The following KCNMA1 variants were observed in gnomAD, a reference collection of about 807,000 sequenced individuals.
KCNMA1 encodes the protein Calcium-activated potassium channel subunit alpha-1.
KCNMA1 carries 29 observed loss-of-function variants against 140.0 expected under a neutral mutation model. That is an observed-to-expected ratio of 0.21 (90% CI 0.15 to 0.28). The LOEUF (loss-of-function observed/expected upper bound fraction) is 0.28, where lower values mean the gene tolerates loss of function less well. KCNMA1 is among the 10% of genes least tolerant of loss of function. The pLI, the probability that KCNMA1 is intolerant of heterozygous loss-of-function variation, is 1.00. For synonymous variants in KCNMA1, 612 were observed against 611.9 expected (o/e 1.00, Z 0.00); for missense variants, 880 against 1,602.2 (o/e 0.55, Z 7.70).
At position 77,148,941 on chromosome 10, in the gene KCNMA1, T is replaced by C. The variant is rs564334450; in HGVS notation, c.809-27893A>G. On this transcript the variant is annotated intron_variant, in intron 5 of 27. Coordinates refer to ENST00000286628, the MANE Select transcript of KCNMA1 (RefSeq NM_001161352.2). ...AGGTAGAAATCTGTAAATAACAACA[T>C]TTGGAAGTTCCTTCTGTTTCCTGCA... 5.9e-5 allele frequency among the ~76,000 whole-genome samples: 9 copies of C among 152,304 alleles called. No individual in the cohort carries two copies. In the East Asian group the frequency reaches 1.7e-3, roughly 29 times the overall value.
intron 1 of KCNMA1, among the ~76,000 whole-genome samples, chr10:77,568,956 G>C (rs2069622273): frequency 6.8e-6 from 1 of 146,910 alleles, no homozygotes; most frequent in Admixed American, 6.9e-5. Flanking sequence ...CAAACAGAGA[G>C]CCAAATCATG....
intron 23 of KCNMA1, chr10:76,930,172 C>T (rs1474156276): frequency 6.6e-6 from 1 of 152,100 alleles, no homozygotes; most frequent in Non-Finnish European, 1.5e-5. Flanking sequence ...AGAAAACAAT[C>T]AACAAAGTGA....
At chr10:77,453,188 A>G (rs1171624440) in intron 1 of KCNMA1, among the ~76,000 whole-genome samples, 1 of 152,078 alleles carries the variant, frequency 6.6e-6, no homozygotes, top group African/African-American at 2.4e-5. Context: ...TGTGACCAGC[A>G]TTTGCCTCTC....
chr10:77,235,055 A>G (rs2054927135), intron 3 of KCNMA1, among the ~76,000 whole-genome samples: 1 of 152,190 alleles, frequency 6.6e-6, no homozygotes, highest in Non-Finnish European at 1.5e-5. Context: ...GTTGCCTCCT[A>G]CGAGAAGATG....
chr10:76,993,975 T>A (rs754036397), intron 19 of KCNMA1, among the ~76,000 whole-genome samples: 11 of 152,316 alleles, frequency 7.2e-5, no homozygotes, highest in South Asian at 6.2e-4. Flanking sequence ...CTCACTTTTT[T>A]CTCCTCCCTT....
At chr10:77,581,660 C>G (rs2075931722) in intron 1 of KCNMA1, among the ~76,000 whole-genome samples, 1 of 152,192 alleles carries the variant, frequency 6.6e-6, no homozygotes. Flanking sequence ...TGGGCCCACC[C>G]AACTGCCGTG....
chr10:77,222,965 C>T (rs564745868), intron 3 of KCNMA1, among the ~76,000 whole-genome samples: 1 of 152,256 alleles, frequency 6.6e-6, no homozygotes, highest in African/African-American at 2.4e-5. Context: ...CGTGGTAGCT[C>T]ACACATGTAA....
At chr10:77,025,997 AAAT>A (rs1555139542) in intron 16 of KCNMA1, among the ~76,000 whole-genome samples, 2,925 of 138,024 alleles carry the variant, frequency 0.021, 47 homozygotes, top group Admixed American at 0.031. Flanking sequence ...AAGAAAAAAA[AAAT>A]ATATATATAT....
At chr10:77,560,913 G>C (rs942091698) in intron 1 of KCNMA1, among the ~76,000 whole-genome samples, 2 of 152,200 alleles carry the variant, frequency 1.3e-5, no homozygotes, top group African/African-American at 4.8e-5. Context: ...AGATCTTTCT[G>C]AGCAGATGCT....
intron 2 of KCNMA1, among the ~76,000 whole-genome samples, chr10:77,280,138 G>A (rs921915830): frequency 6.6e-6 from 1 of 152,150 alleles, no homozygotes; most frequent in African/African-American, 2.4e-5. Context: ...AAGAAATGGT[G>A]TGCTTATCTT....
intron 26 of KCNMA1, chr10:76,891,297 T>C: frequency 1.8e-6 from 1 of 563,542 alleles, no homozygotes; most frequent in South Asian, 2.0e-5. Flanking sequence ...GAAGGTGTGA[T>C]ACTAGAACTT....
At chr10:77,471,213 AAC>A (rs1287207487) in intron 1 of KCNMA1, among the ~76,000 whole-genome samples, 1 of 150,748 alleles carries the variant, frequency 6.6e-6, no homozygotes, top group African/African-American at 2.4e-5. Context: ...CACACTACAC[AAC>A]ACACATTACA....
downstream of KCNMA1, chr10:76,883,957 A>G: frequency 3.1e-6 from 3 of 965,254 alleles, no homozygotes; most frequent in Non-Finnish European, 3.7e-6. Context: ...CAAATTTATC[A>G]TTAGTCAAAT....
At chr10:77,188,309 CT>C (rs1362559832) in intron 3 of KCNMA1, among the ~76,000 whole-genome samples, 1 of 151,630 alleles carries the variant, frequency 6.6e-6, no homozygotes, top group Non-Finnish European at 1.5e-5. Flanking sequence ...GTTTTATGAA[CT>C]GAAATAACAC....
At chr10:76,966,943 TG>T (rs2074180060) in intron 20 of KCNMA1, among the ~76,000 whole-genome samples, 1 of 152,192 alleles carries the variant, frequency 6.6e-6, no homozygotes, top group South Asian at 2.1e-4. Flanking sequence ...AAAACAAGGC[TG>T]TTCACCTAAT....
intron 1 of KCNMA1, among the ~76,000 whole-genome samples, chr10:77,435,936 A>T (rs1469269894): frequency 2.6e-5 from 4 of 152,204 alleles, no homozygotes; most frequent in Non-Finnish European, 4.4e-5. Flanking sequence ...GATGCCTATG[A>T]AAGGGGAGGA....
At chr10:77,202,424 T>C (rs146068355) in intron 3 of KCNMA1, among the ~76,000 whole-genome samples, 5 of 152,306 alleles carry the variant, frequency 3.3e-5, no homozygotes, top group Non-Finnish European at 5.9e-5. Context: ...TAAGCAGATA[T>C]CAGGTAACAA....
intron 1 of KCNMA1, among the ~76,000 whole-genome samples, chr10:77,585,609 C>A (rs1224741448): frequency 1.3e-5 from 2 of 152,172 alleles, no homozygotes; most frequent in African/African-American, 4.8e-5. Context: ...ATCACCTCTT[C>A]AACATTGTTT....
chr10:77,537,016 G>C (rs1481760731), intron 1 of KCNMA1, among the ~76,000 whole-genome samples: 2 of 152,172 alleles, frequency 1.3e-5, no homozygotes, highest in Non-Finnish European at 2.9e-5. Flanking sequence ...ATTGACTTTA[G>C]TTCATTTCCT....
Sources: gnomAD v4.1 joint callset for allele counts (sites outside exome capture counted in the v4.1 genomes callset) on GRCh38, gnomAD v4.1.1 for gene constraint, MANE v1.5 for transcripts, NCBI Gene and HGNC (gene_info 2026-07-23, HGNC 2026-07-21) for gene names.